The following MLLT3 variants were observed in gnomAD, a reference collection of about 807,000 sequenced individuals.
MLLT3 encodes the protein protein AF-9.
A neutral mutation model predicts 53.2 loss-of-function variants in MLLT3; 4 were observed. The ratio of observed to expected loss-of-function variants is 0.08; its 90% CI spans 0.04 to 0.17. The LOEUF is 0.17. MLLT3 is among the 10% of genes least tolerant of loss of function. The pLI, the probability that MLLT3 is intolerant of heterozygous loss-of-function variation, is 1.00. For synonymous variants in MLLT3, 283 were observed against 230.6 expected (o/e 1.23, Z -2.06); for missense variants, 569 against 684.0 (o/e 0.83, Z 1.87).
intron 5 of MLLT3, among the ~76,000 whole-genome samples, chr9:20,403,249 T>C (rs1033259276): frequency 2.0e-5 from 3 of 152,238 alleles, no homozygotes; most frequent in South Asian, 2.1e-4. Flanking sequence ...TCTGTGATTA[T>C]CTAACTCATG....
chr9:20,507,935 A>G (rs910961709), intron 2 of MLLT3, among the ~76,000 whole-genome samples: 1 of 152,148 alleles, frequency 6.6e-6, no homozygotes, highest in African/African-American at 2.4e-5. Flanking sequence ...TTTGTTTAAA[A>G]AAAGAATAAA....
intron 8 of MLLT3, 45 bp from the exon 9 acceptor site, chr9:20,354,924 C>T (rs1245074102): frequency 7.0e-7 from 1 of 1,431,936 alleles, no homozygotes; most frequent in East Asian, 2.3e-5. Context: ...TTTCAAGCAT[C>T]TCTTAGCTAA....
intron 2 of MLLT3, among the ~76,000 whole-genome samples, chr9:20,546,890 G>GC (rs1423706996): frequency 6.6e-6 from 1 of 152,192 alleles, no homozygotes; most frequent in Admixed American, 6.5e-5. Flanking sequence ...TAAACTGCAT[G>GC]CCTTCTGCAA....
At chr9:20,349,016 A>C (rs1220584300) in intron 10 of MLLT3, among the ~76,000 whole-genome samples, 1 of 152,226 alleles carries the variant, frequency 6.6e-6, no homozygotes, top group Non-Finnish European at 1.5e-5. Flanking sequence ...GATGGAAACA[A>C]GTAGTCTCTT....
intron 5 of MLLT3, among the ~76,000 whole-genome samples, chr9:20,409,135 G>T (rs1384222205): frequency 6.6e-6 from 1 of 152,150 alleles, no homozygotes; most frequent in Non-Finnish European, 1.5e-5. Flanking sequence ...TTCAGGGAAA[G>T]ATCATTAAAA....
At chr9:20,456,364 G>C (rs113229918) in intron 3 of MLLT3, among the ~76,000 whole-genome samples, 1,622 of 152,196 alleles carry the variant, frequency 0.011, 28 homozygotes, top group African/African-American at 0.037. Context: ...AAATTCTACA[G>C]ACATGAAAAT....
At position 20,345,129 on chromosome 9, in the gene MLLT3, C is replaced by A; in HGVS notation, c.*1314G>T. 1 of 222,856 alleles carries A rather than the reference C, an allele frequency of 4.5e-6. No individual in the cohort carries two copies. Among genetic ancestry groups the A allele is most frequent in the Non-Finnish European group, 9.0e-6 (1 of 111,622 alleles). The allele number at this position is 222,856 out of a possible 1,614,324, so 13.8% of individuals were successfully genotyped here. ...ACAGGACAGATTTCTAGTTTCAAAA[C>A]AAGGGTACAACAAGAACAAAAAAAT... On this transcript the variant is annotated 3_prime_UTR_variant, in exon 11 of 11. Transcript: ENST00000380338.
At position 20,575,541 on chromosome 9, in the gene MLLT3, C is replaced by A. The variant is rs567482628; in HGVS notation, c.193+45113G>T. ...AAAACTTGAATGTCAAAATTACTCC[C>A]TGACCCACAGACTGCAGAATAGATG... On this transcript the variant is annotated intron_variant, in intron 2 of 10. Transcript: ENST00000380338. 6.6e-5 allele frequency among the ~76,000 whole-genome samples: 10 copies of A among 152,280 alleles called. No individual in the cohort carries two copies. The South Asian group carries it at 2.1e-3, about 32-fold the overall frequency.
chr9:20,543,596 C>A (rs768869570), intron 2 of MLLT3, among the ~76,000 whole-genome samples: 3 of 151,530 alleles, frequency 2.0e-5, no homozygotes, highest in Non-Finnish European at 4.4e-5. Context: ...GGGCTATGAT[C>A]GTGCCGGTAT....
At chr9:20,535,476 G>A (rs1395379412) in intron 2 of MLLT3, among the ~76,000 whole-genome samples, 3 of 152,102 alleles carry the variant, frequency 2.0e-5, no homozygotes, top group Non-Finnish European at 4.4e-5. Context: ...AGAGGCCACA[G>A]CCAGCAAGCC....
chr9:20,478,322 A>C (rs1824576318), intron 2 of MLLT3, among the ~76,000 whole-genome samples: 1 of 152,184 alleles, frequency 6.6e-6, no homozygotes, highest in South Asian at 2.1e-4. Flanking sequence ...AGTGAGGAGA[A>C]GAGATGTAAG....
At chr9:20,488,234 G>C (rs1824861199) in intron 2 of MLLT3, among the ~76,000 whole-genome samples, 2 of 152,046 alleles carry the variant, frequency 1.3e-5, no homozygotes, top group African/African-American at 4.8e-5. Flanking sequence ...CTACTTAATA[G>C]GTAGAAACTT....
At chr9:20,514,022 T>C (rs951850528) in intron 2 of MLLT3, among the ~76,000 whole-genome samples, 1 of 152,062 alleles carries the variant, frequency 6.6e-6, no homozygotes, top group Admixed American at 6.5e-5. Flanking sequence ...GAAGGGGTAG[T>C]AGGGAAAGAC....
intron 2 of MLLT3, among the ~76,000 whole-genome samples, chr9:20,585,464 T>C (rs371679916): frequency 6.6e-6 from 1 of 152,086 alleles, no homozygotes; most frequent in East Asian, 1.9e-4. Flanking sequence ...CAACGTACAG[T>C]AATAGTGTGT....
At chr9:20,483,698 CTTTTTT>C (rs10538657) in intron 2 of MLLT3, among the ~76,000 whole-genome samples, 4 of 68,942 alleles carry the variant, frequency 5.8e-5, no homozygotes, top group African/African-American at 2.5e-4. Flanking sequence ...CAGTAAAACT[CTTTTTT>C]TTTTTTTTTT....
chr9:20,443,485 CA>C (rs1016762730), intron 4 of MLLT3, among the ~76,000 whole-genome samples: 1 of 152,140 alleles, frequency 6.6e-6, no homozygotes, highest in African/African-American at 2.4e-5. Flanking sequence ...GAGCCCTTTA[CA>C]CAAGCAAAAT....
chr9:20,451,450 A>G (rs1482008206), intron 3 of MLLT3, among the ~76,000 whole-genome samples: 3 of 152,242 alleles, frequency 2.0e-5, no homozygotes, highest in Non-Finnish European at 4.4e-5. Context: ...AAACAGAACA[A>G]AAAACATCAC....
chr9:20,348,920 C>G (rs2118589713), intron 10 of MLLT3, among the ~76,000 whole-genome samples: 1 of 152,198 alleles, frequency 6.6e-6, no homozygotes, highest in Non-Finnish European at 1.5e-5. Context: ...ATCAATTGAA[C>G]TAAGACTATG....
At chr9:20,554,045 T>C (rs904414804) in intron 2 of MLLT3, among the ~76,000 whole-genome samples, 3 of 152,306 alleles carry the variant, frequency 2.0e-5, no homozygotes, top group African/African-American at 7.2e-5. Context: ...TTCTTCCACA[T>C]AAGAATTTTC....
Sources: gnomAD v4.1 joint callset for allele counts (sites outside exome capture counted in the v4.1 genomes callset) on GRCh38, gnomAD v4.1.1 for gene constraint, MANE v1.5 for transcripts, NCBI Gene and HGNC (gene_info 2026-07-23, HGNC 2026-07-21) for gene names.